Variants in RPS17 observed in about 807,000 individuals in gnomAD.
RPS17 encodes ribosomal protein S17, also known as small ribosomal subunit protein eS17.
For synonymous variants in RPS17, 75 were observed against 65.6 expected (o/e 1.14, Z -0.70); for missense variants, 68 against 182.3 (o/e 0.37, Z 3.61).
chr15:82,538,082 T>C, intron 4 of RPS17: 1 of 600,676 alleles, frequency 1.7e-6, no homozygotes. Flanking sequence ...AGAGAAAAGG[T>C]GTCCTGGAAG....
chr15:82,537,961 G>C, intron 4 of RPS17: 1 of 465,244 alleles, frequency 2.1e-6, no homozygotes, highest in Non-Finnish European at 4.3e-6. Flanking sequence ...TGGTTAGCAT[G>C]GAGACACCAA....
chr15:82,537,763 C>T (rs1372693606), intron 4 of RPS17: 4 of 433,240 alleles, frequency 9.2e-6, no homozygotes, highest in Non-Finnish European at 1.8e-5. Context: ...CATTTAATGA[C>T]CATAAAAATA....
chr15:82,538,498 G>C (rs2034279037), intron 3 of RPS17, 127 bp from the exon 4 acceptor site: 5 of 1,084,322 alleles, frequency 4.6e-6, no homozygotes, highest in Non-Finnish European at 7.0e-6. Flanking sequence ...CCTCTCACAA[G>C]GTGAGCAGTC....
Position 82,539,087 on chromosome 15 carries a change from CCA to C in RPS17, c.156-104_156-103del, listed in dbSNP as rs1382409011. ...TATAAATACCCGCTTTAGTTCTTTT[CCA>C]CAGTGAGAAGGAAGAGGACTCACTA... On this transcript the variant is annotated intron_variant, in intron 2 of 4. Coordinates refer to ENST00000647841, the MANE Select transcript of RPS17 (RefSeq NM_001021.6). The C allele has an allele frequency of 2.6e-5, 31 of 1,193,310 alleles. No homozygotes were observed. In the Admixed American group the frequency reaches 4.5e-4, roughly 18 times the overall value. The allele number at this position is 1,193,310 out of a possible 1,614,324, so 73.9% of individuals were successfully genotyped here.
In RPS17 at chr15:82,537,157, TATCA is replaced by T. The variant is rs1448291487; in HGVS notation, c.328-280_328-277del. The T allele has an allele frequency of 3.3e-3, 1,778 of 540,962 alleles. 31 individuals carry two copies. In the Admixed American group the frequency reaches 0.039, roughly 12 times the overall value. The allele number at this position is 540,962 out of a possible 1,614,324, so 33.5% of individuals were successfully genotyped here. On this transcript the variant is annotated intron_variant, in intron 4 of 4. Coordinates refer to ENST00000647841, the MANE Select transcript of RPS17 (RefSeq NM_001021.6). ...TGTATCTGTTTTCACAACCCCTTCC[TATCA>T]ATCACTCTAAAACACCGTTTCTCAA...
At chr15:82,540,234 C>G in intron 1 of RPS17, 102 bp from the exon 2 acceptor site, 1 of 1,609,816 alleles carries the variant, frequency 6.2e-7, no homozygotes, top group East Asian at 2.2e-5. Flanking sequence ...GCCGGCTGCG[C>G]TGAGCCGGAG....
intron 3 of RPS17, 165 bp downstream of exon 3, chr15:82,538,715 G>C: frequency 1.3e-6 from 1 of 763,438 alleles, no homozygotes; most frequent in Non-Finnish European, 2.3e-6. Flanking sequence ...CAGAAGAGCA[G>C]AATGGAGGCT....
At chr15:82,539,122 A>G (rs1192979696) in intron 2 of RPS17, 137 bp from the exon 3 acceptor site, 2 of 865,754 alleles carry the variant, frequency 2.3e-6, no homozygotes, top group East Asian at 4.9e-5. Context: ...CTATCCTGGG[A>G]CCTCCTACAC....
intron 3 of RPS17, 191 bp from the exon 4 acceptor site, chr15:82,538,562 G>T: frequency 1.4e-6 from 1 of 718,406 alleles, no homozygotes. Context: ...ACCTTCCCAT[G>T]CCCTCATTCA....
rs1279893216 is a variant in RPS17, at chr15:82,539,998, G to A, written c.138C>T (p.Leu46=). ...EEIAIIPSKK[L]RNKIAGYVTH... ...CGACTCACCCTGCTATCTTGTTGCGGAGCTTTTTGCTGGGGATAATGGCGA... is the reference window on the plus strand; with the variant it reads ...CGACTCACCCTGCTATCTTGTTGCGAAGCTTTTTGCTGGGGATAATGGCGA... Residue 46 remains leucine (L), a synonymous_variant, in exon 2 of 5, where the codon CTC becomes CTT. Coordinates refer to ENST00000647841, the MANE Select transcript of RPS17 (RefSeq NM_001021.6). The A allele has an allele frequency of 2.2e-5, 35 of 1,612,134 alleles. No individual in the cohort carries two copies. In the South Asian group the frequency reaches 3.8e-4, roughly 18 times the overall value.
At chr15:82,539,772 CT>C in intron 2 of RPS17, 1 of 839,720 alleles carries the variant, frequency 1.2e-6, no homozygotes, top group Non-Finnish European at 2.0e-6. Context: ...CGGTGGCTAC[CT>C]TCGACCCAGG....
chr15:82,536,936 C>T, intron 4 of RPS17, 55 bp from the exon 5 acceptor site: 1 of 1,603,586 alleles, frequency 6.2e-7, no homozygotes, highest in Non-Finnish European at 8.5e-7. Context: ...TGTGAGTGGA[C>T]CCCAGAAGAA....
intron 4 of RPS17, chr15:82,538,026 G>T (rs946196048): frequency 1.2e-5 from 6 of 505,478 alleles, no homozygotes; most frequent in Middle Eastern, 3.0e-4. Flanking sequence ...TGACACAAAG[G>T]GGGCAACGTA....
In RPS17 at chr15:82,540,099, C is replaced by A; in HGVS notation, c.37G>T (p.Ala13Ser). 1 of 1,613,512 alleles carries A rather than the reference C, an allele frequency of 6.2e-7. No homozygotes were observed. ...TAGTACTTTTCTATGATGACCCGGGCCGCCTTCTTCACGGTTTTGGTGCGA... is the reference window on the plus strand; with the variant it reads ...TAGTACTTTTCTATGATGACCCGGGACGCCTTCTTCACGGTTTTGGTGCGA... ...RVRTKTVKKA[A>S]RVIIEKYYTR... Residue 13 changes from alanine (A) to serine (S), a missense_variant, in exon 2 of 5, where the codon GCC becomes TCC. Ala to Ser is a moderately conservative substitution (Grantham distance 99). Transcript: ENST00000647841.
intron 4 of RPS17, chr15:82,538,031 A>G: frequency 2.0e-6 from 1 of 510,820 alleles, no homozygotes. Flanking sequence ...CAAAGGGGGC[A>G]ACGTAAGCCA....
In RPS17 at chr15:82,540,446, A is replaced by G. The variant is rs2034332668; in HGVS notation, c.-18T>C. ...CCTACCATGTTGGCGGGTCCTTGGT[A>G]AAAGAGGAAACAGGAAGCACAGGCG... On this transcript the variant is annotated 5_prime_UTR_variant, in exon 1 of 5. Coordinates refer to ENST00000647841, the MANE Select transcript of RPS17 (RefSeq NM_001021.6). 2 of 1,591,404 alleles carry G rather than the reference A, an allele frequency of 1.3e-6. No homozygotes were observed. The highest frequency in any genetic ancestry group is 1.3e-5 in the African/African-American group (1 of 74,778).
rs1804362 is a variant in RPS17 at position 82,536,852 on chromosome 15, G to A, written c.357C>T (p.Val119=). 1 of 1,614,006 alleles carries A rather than the reference G, an allele frequency of 6.2e-7. No homozygotes were observed. Among genetic ancestry groups the A allele is most frequent in the South Asian group, 1.1e-5 (1 of 91,080 alleles). ...LDFGSLSNLQ[V]TQPTVGMNFK... ...AATTCATCCCAACTGTAGGCTGAGT[G>A]ACCTGAAGGTTGGACAGACTGCCGA... Residue 119 remains valine, a synonymous_variant, in exon 5 of 5, where the codon GTC becomes GTT. Coordinates refer to ENST00000647841, the MANE Select transcript of RPS17 (RefSeq NM_001021.6).
chr15:82,538,606 A>C, intron 3 of RPS17: 1 of 658,770 alleles, frequency 1.5e-6, no homozygotes, highest in South Asian at 1.8e-5. Context: ...TGTTTACACC[A>C]AAGAATACTA....
chr15:82,539,389 A>T (rs2034301931), intron 2 of RPS17: 2 of 464,262 alleles, frequency 4.3e-6, no homozygotes, highest in East Asian at 1.4e-4. Context: ...TGAAGTAAGC[A>T]TTAGAAGTTG....
Sources: gnomAD v4.1 joint callset for allele counts on GRCh38, gnomAD v4.1.1 for gene constraint, MANE v1.5 for transcripts, NCBI Gene and HGNC (gene_info 2026-07-23, HGNC 2026-07-21) for gene names.